Variants in LMNA observed in about 807,000 individuals in gnomAD.
LMNA encodes the protein lamin.
A neutral mutation model predicts 70.4 loss-of-function variants in LMNA; 20 were observed. The ratio of observed to expected loss-of-function variants is 0.28; its 90% CI spans 0.20 to 0.41. The LOEUF is 0.41. Among genes scored for constraint, LMNA ranks in the 10% least tolerant of loss-of-function variants. LMNA has a pLI of 1.00. For synonymous variants in LMNA, 339 were observed against 372.8 expected (o/e 0.91, Z 1.04); for missense variants, 652 against 917.2 (o/e 0.71, Z 3.73).
intron 1 of LMNA, 135 bp from the exon 2 acceptor site, chr1:156,130,482 C>A: frequency 1.0e-6 from 1 of 983,204 alleles, no homozygotes; most frequent in South Asian, 1.3e-5. Flanking sequence ...GCAAACCAAC[C>A]TAATGCAAGG....
chr1:156,127,244 G>A (rs1374147097), intron 1 of LMNA, among the ~76,000 whole-genome samples: 1 of 152,166 alleles, frequency 6.6e-6, no homozygotes, highest in African/African-American at 2.4e-5. Flanking sequence ...GGGCTCTACT[G>A]TACCCCTAGT....
In LMNA at chr1:156,133,400, G is replaced by A. The variant is rs1651254034; in HGVS notation, c.514-1003G>A. ...ATCCTGGCCAACATGGTGAAACCCT[G>A]TCTCTACTAAAGATACAAAAATTAG... is the stretch of plus-strand genomic sequence containing the variant. On this transcript the variant is annotated intron_variant, in intron 2 of 11. Coordinates refer to ENST00000368300, the MANE Select transcript of LMNA (RefSeq NM_170707.4). Among the ~76,000 whole-genome samples the A allele has an allele frequency of 2.6e-5, 4 of 151,668 alleles. 1 individual carries two copies. In the South Asian group the frequency reaches 6.3e-4, roughly 24 times the overall value.
Position 156,135,442 on chromosome 1 carries a change from A to C in LMNA, c.936+130A>C. ...GAGGAGAGGGATGAAAAGTGTCCCCACAACCACAGAGAAGGGTCGCAGGAT... is the reference window on the plus strand; with the variant it reads ...GAGGAGAGGGATGAAAAGTGTCCCCCCAACCACAGAGAAGGGTCGCAGGAT... On this transcript the variant is annotated intron_variant, in intron 5 of 11. Coordinates refer to ENST00000368300, the MANE Select transcript of LMNA (RefSeq NM_170707.4). This position sits in a 1 kb window ranked among gnomAD's most constrained non-coding sequence, Gnocchi z 4.8. 3 of 1,210,984 alleles carry C rather than the reference A, an allele frequency of 2.5e-6. No individual in the cohort carries two copies. The highest frequency in any genetic ancestry group is 1.3e-5 in the South Asian group (1 of 77,110). 75.0% of individuals were successfully genotyped at this position (1,210,984 alleles called of 1,614,324 possible). A position where few individuals can be genotyped will look rare whatever the true frequency, so the allele number is the denominator to read the frequency against.
intron 1 of LMNA, among the ~76,000 whole-genome samples, chr1:156,124,286 T>A (rs1650396237): frequency 6.6e-6 from 1 of 151,654 alleles, no homozygotes; most frequent in South Asian, 2.1e-4. Flanking sequence ...TCAGTTCCTC[T>A]CTCTCTCTCT....
rs2102883005 is a variant in LMNA, at chr1:156,135,168, C to T, written c.811-19C>T. ...CCCTCCCAGTCACCACAGTCCTAAC[C>T]CTTTGTCCTCCCCTCCAGCTGGACA... On this transcript the variant is annotated intron_variant, in intron 4 of 11. Coordinates refer to ENST00000368300, the MANE Select transcript of LMNA (RefSeq NM_170707.4). This position sits in a 1 kb window ranked among gnomAD's most constrained non-coding sequence, Gnocchi z 4.8. The T allele has an allele frequency of 6.2e-7, 1 of 1,614,010 alleles. No homozygotes were observed.
At chr1:156,105,200 G>A (rs914246082) in intron 3 of LMNA, among the ~76,000 whole-genome samples, 3 of 152,328 alleles carry the variant, frequency 2.0e-5, no homozygotes, top group East Asian at 3.9e-4. Context: ...CCTCTGGGGC[G>A]GGCCTGTGGG....
chr1:156,111,606 G>C (rs1443556722), upstream of LMNA, among the ~76,000 whole-genome samples: 1 of 152,192 alleles, frequency 6.6e-6, no homozygotes, highest in Non-Finnish European at 1.5e-5. Context: ...GTGCTTGTTG[G>C]TTTTGCTTCT....
chr1:156,111,872 C>T (rs1465998319), upstream of LMNA, among the ~76,000 whole-genome samples: 1 of 152,240 alleles, frequency 6.6e-6, no homozygotes, highest in Non-Finnish European at 1.5e-5. Flanking sequence ...CTCTCACCTC[C>T]AGCAGGCTCA....
chr1:156,123,406 ACTT>A (rs1650334642), intron 1 of LMNA: 2 of 152,078 alleles, frequency 1.3e-5, no homozygotes, highest in Admixed American at 1.3e-4. Context: ...GTCCTCCCTC[ACTT>A]CTTCTCCTGA....
chr1:156,100,703 C>T (rs1018320419), intron 3 of LMNA, among the ~76,000 whole-genome samples: 1 of 151,982 alleles, frequency 6.6e-6, no homozygotes, highest in African/African-American at 2.4e-5. Flanking sequence ...TAGAGCACAT[C>T]GAGGTTGCTG....
chr1:156,094,926 ATTT>A (rs1201138306), intron 3 of LMNA, among the ~76,000 whole-genome samples: 2 of 127,738 alleles, frequency 1.6e-5, no homozygotes, highest in Non-Finnish European at 1.7e-5. Flanking sequence ...CAACCAGCTA[ATTT>A]TTTTTTTTTT....
chr1:156,114,762 C>T lies in LMNA; in HGVS notation c.-157C>T. 1 of 602,672 alleles carries T rather than the reference C, an allele frequency of 1.7e-6. No individual in the cohort carries two copies. The highest frequency in any genetic ancestry group is 3.2e-5 in the Admixed American group (1 of 31,184). The allele number at this position is 602,672 out of a possible 1,614,324, so 37.3% of individuals were successfully genotyped here. A position where few individuals can be genotyped will look rare whatever the true frequency, so the allele number is the denominator to read the frequency against. On this transcript the variant is annotated 5_prime_UTR_variant, in exon 1 of 12. Transcript: ENST00000368300. ...ACCAGCCAACCCAGATCCCGAGGTCCGACAGCGCCCGGCCCAGATCCCCAC... is the reference window on the plus strand; with the variant it reads ...ACCAGCCAACCCAGATCCCGAGGTCTGACAGCGCCCGGCCCAGATCCCCAC...
intron 2 of LMNA, among the ~76,000 whole-genome samples, chr1:156,088,345 C>T (rs1395022595): frequency 1.3e-5 from 2 of 152,030 alleles, no homozygotes; most frequent in Non-Finnish European, 2.9e-5. Flanking sequence ...TACCAGCAGT[C>T]CAAACCTCAC....
intron 1 of LMNA, among the ~76,000 whole-genome samples, chr1:156,129,039 G>A (rs11264441): frequency 0.043 from 6,582 of 152,332 alleles, 485 homozygotes; most frequent in African/African-American, 0.15. Context: ...GGGCTAGGCC[G>A]GATGGCAGCC....
rs1333541856 is a variant in LMNA, at chr1:156,099,726, A to C, written c.-207+9144A>C. 2.0e-5 allele frequency among the ~76,000 whole-genome samples: 3 copies of C among 152,088 alleles called. No homozygotes were observed. The East Asian group carries it at 5.8e-4, about 29-fold the overall frequency. Reference sequence around the variant, plus strand: ...GCGAAAACCCTACAGAGTCTACTAAAAATACAAAAATTAGCTGGGCGTGCT... The same window carrying C: ...GCGAAAACCCTACAGAGTCTACTAACAATACAAAAATTAGCTGGGCGTGCT... On this transcript the variant is annotated intron_variant, in intron 3 of 12. Transcript: ENST00000368301.
intron 1 of LMNA, among the ~76,000 whole-genome samples, chr1:156,123,869 C>G (rs1650365357): frequency 6.6e-6 from 1 of 152,186 alleles, no homozygotes; most frequent in African/African-American, 2.4e-5. Context: ...CAGGCCTGGC[C>G]CCCTGCCAGG....
intron 2 of LMNA, among the ~76,000 whole-genome samples, chr1:156,084,335 T>TGGG (rs1491154815): frequency 2.2e-5 from 2 of 91,636 alleles, no homozygotes; most frequent in African/African-American, 3.9e-5. Context: ...GGTCGGGGGG[T>TGGG]GGTGGGGGCA....
rs376576242 is a variant in LMNA at position 156,086,749 on chromosome 1, C to T, written c.-319+3565C>T. 3.1e-4 allele frequency among the ~76,000 whole-genome samples: 47 copies of T among 152,280 alleles called. No individual in the cohort carries two copies. The South Asian group carries it at 8.5e-3, about 28-fold the overall frequency. ...CCGCCTCCTGGGTTCAAGCTATTCT[C>T]CTGCCTCAGCCTCCTGAGTAGCTGG... On this transcript the variant is annotated intron_variant, in intron 2 of 12. Transcript: ENST00000368301.
rs902634293 is a variant in LMNA at position 156,126,110 on chromosome 1, C to T, written c.357-4507C>T. 42 of 1,432,004 alleles carry T rather than the reference C, an allele frequency of 2.9e-5. 1 individual carries two copies. Among genetic ancestry groups the T allele is most frequent in the African/African-American group, 1.3e-4 (9 of 70,052 alleles). The allele number at this position is 1,432,004 out of a possible 1,614,324, so 88.7% of individuals were successfully genotyped here. On this transcript the variant is annotated intron_variant, in intron 1 of 11. Transcript: ENST00000368300. ...ACCAGGCGGACTCCCTGTACCCACC[C>T]GGCCACAGGGGGCGATGTTCCTGGG... is the stretch of plus-strand genomic sequence containing the variant.
Sources: allele counts gnomAD v4.1 joint callset (sites outside exome capture counted in the v4.1 genomes callset), GRCh38; gene constraint gnomAD v4.1.1; non-coding constraint Gnocchi (gnomAD v3.1); transcripts MANE v1.5; gene names NCBI Gene and HGNC (gene_info 2026-07-23, HGNC 2026-07-21).